Variants in DAPK2 observed in about 807,000 individuals in gnomAD.
DAPK2 encodes death associated protein kinase 2.
A neutral mutation model predicts 44.1 loss-of-function variants in DAPK2; 35 were observed. That is an observed-to-expected ratio of 0.79 (90% CI 0.61 to 1.05). The LOEUF (loss-of-function observed/expected upper bound fraction) is 1.05. Ranked by LOEUF, DAPK2 falls within the 50% of genes least tolerant of loss-of-function variation. The probability of loss-of-function intolerance (pLI) is 0.00; values close to 1 mark genes in which losing one functional copy is unlikely to be tolerated. For synonymous variants in DAPK2, 174 were observed against 182.6 expected, an observed-to-expected ratio of 0.95 and a Z score of 0.38; for missense variants, 453 against 483.2, an observed-to-expected ratio of 0.94 and a Z score of 0.59.
At position 63,952,702 on chromosome 15, in the gene DAPK2, G is replaced by A. The variant is rs772822254; in HGVS notation, c.454-13341C>T. Among the ~76,000 whole-genome samples the A allele has an allele frequency of 9.9e-5, 15 of 151,644 alleles. No homozygotes were observed. The South Asian group carries it at 1.0e-3, about 11-fold the overall frequency. The stretch of plus-strand genomic sequence containing the variant: ...TACATAGTAGGTGTATATATTTATG[G>A]GGTATGTGAGATATTTTGATACAGG... On this transcript the variant is annotated intron_variant, in intron 3 of 10. Transcript: ENST00000261891.
At chr15:63,983,391 T>A (rs1207779580) in intron 2 of DAPK2, 142 bp downstream of exon 3, 1 of 693,124 alleles carries the variant, frequency 1.4e-6, no homozygotes, top group Non-Finnish European at 2.4e-6. Context: ...ACAGAGGGGA[T>A]CTGCCCACCA....
At chr15:63,911,363 G>A (rs4776662) in intron 10 of DAPK2, 111,218 of 155,372 alleles carry the variant, frequency 0.72, 40,674 homozygotes, top group East Asian at 0.99. Context: ...AAGGTCACAC[G>A]GTAAGTGGCA....
rs77289198 is a variant in DAPK2, at chr15:63,982,077, T to A, written c.314+1456A>T. 8.6e-5 allele frequency among the ~76,000 whole-genome samples: 13 copies of A among 152,030 alleles called. No homozygotes were observed. The East Asian group carries it at 2.3e-3, about 27-fold the overall frequency. ...CTGCTTTACAGATGAGAACTAAAGCTCAGGGAATTGAGGTGACTTGCCCAA... is the reference window on the plus strand; with the variant it reads ...CTGCTTTACAGATGAGAACTAAAGCACAGGGAATTGAGGTGACTTGCCCAA... On this transcript the variant is annotated intron_variant, in intron 2 of 10. Transcript: ENST00000261891.
At chr15:64,045,381 C>A (rs979712703) in intron 1 of DAPK2, among the ~76,000 whole-genome samples, 4 of 152,204 alleles carry the variant, frequency 2.6e-5, no homozygotes, top group African/African-American at 9.7e-5. Flanking sequence ...CTTAGGTCAA[C>A]AGGACTCTCC....
At chr15:63,941,622 T>G (rs77922926) in intron 3 of DAPK2, among the ~76,000 whole-genome samples, 2,521 of 151,492 alleles carry the variant, frequency 0.017, 74 homozygotes, top group African/African-American at 0.059. Context: ...TCCTTGGCTT[T>G]TTTTCCTTTT....
chr15:63,985,852 T>G (rs1343006079), intron 1 of DAPK2, among the ~76,000 whole-genome samples: 1 of 152,220 alleles, frequency 6.6e-6, no homozygotes, highest in Admixed American at 6.5e-5. Context: ...CCTGAAAAAT[T>G]CCTCAAACTC....
intron 2 of DAPK2, among the ~76,000 whole-genome samples, chr15:63,975,451 T>C (rs1235582951): frequency 2.0e-4 from 30 of 152,172 alleles, no homozygotes; most frequent in Admixed American, 2.0e-3. Context: ...ACTAACATTT[T>C]TCTATTTCAC....
chr15:63,980,503 C>T lies in DAPK2; in HGVS notation c.314+3030G>A, dbSNP rs2078474027. 6.6e-6 allele frequency among the ~76,000 whole-genome samples: 1 copy of T among 152,224 alleles called. No homozygotes were observed. The highest frequency in any genetic ancestry group is 2.4e-5 in the African/African-American group (1 of 41,462). Reference sequence around the variant, plus strand: ...GGTAGTAATGGTTAACCAGCACCATCTTTGAAAAGTGAGGATATTGAGTCC... The same window carrying T: ...GGTAGTAATGGTTAACCAGCACCATTTTTGAAAAGTGAGGATATTGAGTCC... On this transcript the variant is annotated intron_variant, in intron 2 of 10. Transcript: ENST00000261891. The surrounding 1 kb of genome is among the most constrained non-coding windows in gnomAD (Gnocchi z 4.3).
At chr15:63,983,846 G>T in intron 1 of DAPK2, 92 bp from the exon 3 acceptor site, 1 of 1,273,458 alleles carries the variant, frequency 7.9e-7, no homozygotes, top group Non-Finnish European at 1.1e-6. Flanking sequence ...CAAATTCAGA[G>T]TGATTCTGCC....
At chr15:63,962,156 C>T (rs996211367) in intron 3 of DAPK2, among the ~76,000 whole-genome samples, 36 of 152,270 alleles carry the variant, frequency 2.4e-4, no homozygotes, top group Middle Eastern at 3.4e-3. Context: ...CTTGTGTATG[C>T]GTCACATAGT....
intron 1 of DAPK2, among the ~76,000 whole-genome samples, chr15:64,006,114 A>G (rs561187778): frequency 4.0e-5 from 6 of 150,914 alleles, no homozygotes; most frequent in South Asian, 4.2e-4. Context: ...GGTTCTCCCT[A>G]TGGCCTCTCC....
intron 1 of DAPK2, among the ~76,000 whole-genome samples, chr15:64,006,550 C>A (rs1178206174): frequency 6.6e-6 from 1 of 152,126 alleles, no homozygotes; most frequent in Non-Finnish European, 1.5e-5. Flanking sequence ...GCAGAAACAA[C>A]CAAGAAAGAC....
chr15:63,987,919 T>G (rs1281990645), intron 1 of DAPK2, among the ~76,000 whole-genome samples: 2 of 152,154 alleles, frequency 1.3e-5, no homozygotes, highest in Non-Finnish European at 2.9e-5. Flanking sequence ...TTCCCAGGGT[T>G]GTTTGGGAAA....
intron 1 of DAPK2, among the ~76,000 whole-genome samples, chr15:64,016,937 C>T (rs867434569): frequency 9.9e-5 from 15 of 152,108 alleles, no homozygotes; most frequent in South Asian, 2.1e-4. Flanking sequence ...GGCCTGCATA[C>T]AACAGGAGCA....
At chr15:63,985,592 G>A (rs1016526054) in intron 1 of DAPK2, among the ~76,000 whole-genome samples, 1 of 152,202 alleles carries the variant, frequency 6.6e-6, no homozygotes, top group African/African-American at 2.4e-5. Context: ...TACTTGACCT[G>A]TGGGGAAAGC....
intron 1 of DAPK2, among the ~76,000 whole-genome samples, chr15:63,994,109 T>C (rs2078885346): frequency 2.0e-5 from 3 of 152,140 alleles, no homozygotes; most frequent in Admixed American, 2.0e-4. Context: ...AGTATTTCTA[T>C]AAGAAATGAC....
intron 1 of DAPK2, chr15:64,029,824 G>GT (rs767430192): frequency 6.6e-5 from 10 of 152,446 alleles, no homozygotes; most frequent in Non-Finnish European, 1.2e-4. Flanking sequence ...GGGTGCTGCT[G>GT]TGGTGGAGGA....
At chr15:64,014,525 C>T (rs1322414253) in intron 1 of DAPK2, among the ~76,000 whole-genome samples, 2 of 152,244 alleles carry the variant, frequency 1.3e-5, no homozygotes, top group African/African-American at 4.8e-5. Context: ...CAAGGAGGCA[C>T]TGACAGGTGT....
chr15:63,937,960 T>A (rs2077208358), intron 4 of DAPK2, among the ~76,000 whole-genome samples: 2 of 152,220 alleles, frequency 1.3e-5, no homozygotes, highest in African/African-American at 4.8e-5. Context: ...GTATGGCTCC[T>A]TAACATCGCT....
Sources: allele counts gnomAD v4.1 joint callset (sites outside exome capture counted in the v4.1 genomes callset), GRCh38; gene constraint gnomAD v4.1.1; non-coding constraint Gnocchi (gnomAD v3.1); transcripts MANE v1.5; gene names NCBI Gene and HGNC (gene_info 2026-07-23, HGNC 2026-07-21).